ATP2B2: variants seen among roughly 807,000 people sequenced by gnomAD.
ATP2B2 encodes the protein ATPase plasma membrane Ca2+ transporting 2.
Under a neutral mutation model 120.0 loss-of-function variants are expected in ATP2B2, and 15 were observed. The ratio of observed to expected loss-of-function variants is 0.12; its 90% confidence interval spans 0.08 to 0.19. ATP2B2 has a LOEUF of 0.19. Ranked by LOEUF, ATP2B2 falls within the 10% of genes least tolerant of loss-of-function variation. The pLI is 1.00. For missense variants in ATP2B2, 1,045 were observed against 1,719.8 expected (o/e 0.61, Z 6.94); for synonymous variants, 694 against 700.3 (o/e 0.99, Z 0.14).
intron 2 of ATP2B2, among the ~76,000 whole-genome samples, chr3:10,577,549 T>C (rs1414985741): frequency 6.6e-6 from 1 of 152,170 alleles, no homozygotes; most frequent in Non-Finnish European, 1.5e-5. Context: ...TGAAGCTCCA[T>C]CATCCTCATT....
intron 2 of ATP2B2, among the ~76,000 whole-genome samples, chr3:10,600,372 C>A (rs114102456): frequency 0.01 from 1,582 of 152,272 alleles, 25 homozygotes; most frequent in African/African-American, 0.036. Flanking sequence ...GCCCCTTGCT[C>A]ACCATTTTCT....
intron 2 of ATP2B2, among the ~76,000 whole-genome samples, chr3:10,613,754 AG>A (rs2069305333): frequency 1.3e-5 from 2 of 151,644 alleles, no homozygotes; most frequent in Admixed American, 1.3e-4. Flanking sequence ...CCCCTGCAGC[AG>A]ACTCTCCAAA....
intron 1 of ATP2B2, among the ~76,000 whole-genome samples, chr3:10,660,852 A>C (rs1320109772): frequency 6.6e-6 from 1 of 152,230 alleles, no homozygotes; most frequent in East Asian, 1.9e-4. Context: ...TCCTCAATAA[A>C]ATACTGGGAA....
intron 1 of ATP2B2, among the ~76,000 whole-genome samples, chr3:10,682,269 T>G (rs914787295): frequency 2.0e-5 from 3 of 152,166 alleles, no homozygotes; most frequent in African/African-American, 7.2e-5. Flanking sequence ...TTTGGGCCAC[T>G]GACTCCCATT....
rs780965218 is a variant in ATP2B2 at position 10,360,069 on chromosome 3, C to T, written c.1714G>A (p.Gly572Ser). 33 of 1,608,972 alleles carry T rather than the reference C, an allele frequency of 2.1e-5. No homozygotes were observed. The highest frequency in any genetic ancestry group is 4.0e-5 in the African/African-American group (3 of 74,832). ...AGGTCCAGCACGAAGCCCAGCAGGC[C>T]GCACTCCGTCTTGTTGCCCACCTGC... ...PRQVGNKTEC[G>S]LLGFVLDLKQ... Residue 572 changes from glycine (G) to serine (S), a missense_variant, in exon 13 of 23, where the codon GGC becomes AGC. Gly to Ser is a moderately conservative substitution (Grantham distance 56, BLOSUM62 0). Transcript: ENST00000360273.
chr3:10,390,556 G>C (rs994862949), intron 5 of ATP2B2, among the ~76,000 whole-genome samples: 3 of 151,532 alleles, frequency 2.0e-5, no homozygotes, highest in African/African-American at 7.3e-5. Context: ...TTGGTCTCTG[G>C]GGTCTCAGGA....
chr3:10,471,245 C>A (rs2064980306), intron 1 of ATP2B2, among the ~76,000 whole-genome samples: 1 of 152,184 alleles, frequency 6.6e-6, no homozygotes, highest in Non-Finnish European at 1.5e-5. Context: ...TGCAGGAGAC[C>A]CCCTCCCTGC....
At chr3:10,433,811 G>C (rs2063396015) in intron 2 of ATP2B2, among the ~76,000 whole-genome samples, 1 of 152,190 alleles carries the variant, frequency 6.6e-6, no homozygotes, top group Non-Finnish European at 1.5e-5. Flanking sequence ...AGCCTGTCTT[G>C]ATTGCCCACC....
intron 3 of ATP2B2, 97 bp downstream of exon 3, chr3:10,410,521 G>A (rs1042762384): frequency 2.8e-6 from 4 of 1,424,042 alleles, no homozygotes; most frequent in Non-Finnish European, 2.9e-6. Context: ...TCTTCCCCTG[G>A]GAGGAGAGGA....
chr3:10,576,585 C>T (rs568956509), intron 2 of ATP2B2, among the ~76,000 whole-genome samples: 230 of 152,102 alleles, frequency 1.5e-3, no homozygotes, highest in South Asian at 3.7e-3. Flanking sequence ...TCACTATATT[C>T]CCCAGGCTGG....
chr3:10,486,866 CGAG>C (rs1553616298), intron 1 of ATP2B2, among the ~76,000 whole-genome samples: 1 of 151,932 alleles, frequency 6.6e-6, no homozygotes, highest in Non-Finnish European at 1.5e-5. Flanking sequence ...ACTACAGGTG[CGAG>C]CCACCACACC....
chr3:10,391,104 C>T (rs1039564566), intron 5 of ATP2B2, among the ~76,000 whole-genome samples: 1 of 152,164 alleles, frequency 6.6e-6, no homozygotes, highest in Non-Finnish European at 1.5e-5. Flanking sequence ...GCAGTAACAG[C>T]CACCCAAGCT....
At chr3:10,358,995 C>T in intron 13 of ATP2B2, 70 bp from the exon 14 acceptor site, 1 of 1,451,110 alleles carries the variant, frequency 6.9e-7, no homozygotes. Context: ...AGACCACCTC[C>T]CCACCCTCGT....
chr3:10,619,298 C>T (rs1048289144), intron 2 of ATP2B2, among the ~76,000 whole-genome samples: 1 of 152,138 alleles, frequency 6.6e-6, no homozygotes, highest in Non-Finnish European at 1.5e-5. Context: ...AGACTGTGGT[C>T]CCAGAGCCAG....
chr3:10,499,354 C>T (rs1203282006), intron 1 of ATP2B2, among the ~76,000 whole-genome samples: 1 of 152,224 alleles, frequency 6.6e-6, no homozygotes, highest in Admixed American at 6.5e-5. Context: ...GATGGGTGCT[C>T]AGCTAACCCT....
intron 1 of ATP2B2, among the ~76,000 whole-genome samples, chr3:10,665,389 G>C (rs545614983): frequency 1.3e-5 from 2 of 152,116 alleles, no homozygotes; most frequent in African/African-American, 4.8e-5. Flanking sequence ...GAGCATGCTG[G>C]CTGGGCTGTC....
chr3:10,629,550 C>T (rs1229178220), intron 1 of ATP2B2, among the ~76,000 whole-genome samples: 1 of 152,198 alleles, frequency 6.6e-6, no homozygotes, highest in Non-Finnish European at 1.5e-5. Flanking sequence ...CCGATCCTCA[C>T]CTGCCCTGTG....
intron 1 of ATP2B2, among the ~76,000 whole-genome samples, chr3:10,628,765 T>A (rs2069779933): frequency 6.6e-6 from 1 of 152,328 alleles, no homozygotes; most frequent in African/African-American, 2.4e-5. Flanking sequence ...ATACAGTTGA[T>A]GCTGGTTATT....
At chr3:10,471,229 C>T (rs1417533627) in intron 1 of ATP2B2, among the ~76,000 whole-genome samples, 2 of 152,138 alleles carry the variant, frequency 1.3e-5, no homozygotes, top group Non-Finnish European at 2.9e-5. Context: ...CGGGTGAAGG[C>T]CAGGGTGCAG....
Sources: allele counts gnomAD v4.1 joint callset (sites outside exome capture counted in the v4.1 genomes callset), GRCh38; gene constraint gnomAD v4.1.1; transcripts MANE v1.5; gene names NCBI Gene and HGNC (gene_info 2026-07-23, HGNC 2026-07-21).